The following PXDNL variants were observed in gnomAD, a reference collection of about 807,000 sequenced individuals.
PXDNL encodes probable oxidoreductase PXDNL.
A neutral mutation model predicts 150.8 loss-of-function variants in PXDNL; 145 were observed. The ratio of observed to expected loss-of-function variants is 0.96; its 90% CI spans 0.84 to 1.10. The LOEUF is 1.10. Among genes scored for constraint, PXDNL ranks in the 50% least tolerant of loss-of-function variants. PXDNL has a pLI of 0.00. For missense variants in PXDNL, 2,087 were observed against 1,873.9 expected, an observed-to-expected ratio of 1.11 and a Z score of -2.10; for synonymous variants, 757 against 725.7, an observed-to-expected ratio of 1.04 and a Z score of -0.69.
At chr8:51,447,637 C>T (rs1809706118) in intron 11 of PXDNL, among the ~76,000 whole-genome samples, 1 of 152,164 alleles carries the variant, frequency 6.6e-6, no homozygotes, top group Non-Finnish European at 1.5e-5. Context: ...TCTACACAGT[C>T]AACCAGAGGC....
chr8:51,406,793 G>C (rs1325405968), intron 17 of PXDNL, among the ~76,000 whole-genome samples: 1 of 152,136 alleles, frequency 6.6e-6, no homozygotes, highest in Non-Finnish European at 1.5e-5. Flanking sequence ...CGGCTCCCCC[G>C]CACGCTGTCA....
At chr8:51,478,873 G>A (rs762311207) in intron 6 of PXDNL, among the ~76,000 whole-genome samples, 6 of 152,140 alleles carry the variant, frequency 3.9e-5, no homozygotes, top group African/African-American at 7.2e-5. Context: ...TGGACCCATC[G>A]GGACTTCATG....
intron 1 of PXDNL, among the ~76,000 whole-genome samples, chr8:51,693,147 A>G (rs1816036052): frequency 6.6e-6 from 1 of 152,240 alleles, no homozygotes; most frequent in African/African-American, 2.4e-5. Context: ...TGTTTAGTCA[A>G]TTCTAACATA....
At chr8:51,442,993 A>G (rs1003128880) in intron 12 of PXDNL, among the ~76,000 whole-genome samples, 2 of 152,202 alleles carry the variant, frequency 1.3e-5, no homozygotes, top group African/African-American at 4.8e-5. Flanking sequence ...ATGATTTAGT[A>G]AAGGTAGCTC....
intron 4 of PXDNL, among the ~76,000 whole-genome samples, chr8:51,527,605 G>T (rs1460860934): frequency 6.6e-6 from 1 of 152,166 alleles, no homozygotes; most frequent in African/African-American, 2.4e-5. Context: ...CTGTCTAAGT[G>T]GTATGACTTT....
rs554547913 is a variant in PXDNL, at chr8:51,691,734, C to T, written c.165-36974G>A. ...CTTTCTTCCCTTCTTTTCTTTCTTCCATGATGCATACTTCTAAAAGCACTA... is the reference window on the plus strand; with the variant it reads ...CTTTCTTCCCTTCTTTTCTTTCTTCTATGATGCATACTTCTAAAAGCACTA... On this transcript the variant is annotated intron_variant, in intron 1 of 22. Coordinates refer to ENST00000356297, the MANE Select transcript of PXDNL (RefSeq NM_144651.5). Among the ~76,000 whole-genome samples the T allele has an allele frequency of 9.9e-5, 15 of 152,224 alleles. No homozygotes were observed. The South Asian group carries it at 3.1e-3, about 32-fold the overall frequency.
At chr8:51,754,102 TG>T (rs2037073576) in intron 1 of PXDNL, among the ~76,000 whole-genome samples, 3 of 152,232 alleles carry the variant, frequency 2.0e-5, no homozygotes, top group African/African-American at 7.2e-5. Flanking sequence ...GTACAGTGTT[TG>T]CTATGTGTGT....
chr8:51,390,107 C>T (rs376962633), intron 17 of PXDNL, among the ~76,000 whole-genome samples: 58 of 152,120 alleles, frequency 3.8e-4, no homozygotes, highest in Middle Eastern at 3.4e-3. Context: ...TTATGAAGTA[C>T]CAATCATTGT....
At chr8:51,334,129 C>T (rs1484138203) in intron 21 of PXDNL, among the ~76,000 whole-genome samples, 3 of 93,494 alleles carry the variant, frequency 3.2e-5, no homozygotes, top group Non-Finnish European at 7.5e-5. Flanking sequence ...TCTCGCAGAC[C>T]ACAGTGGAAT....
chr8:51,382,282 CAA>C (rs1807572037), intron 17 of PXDNL, among the ~76,000 whole-genome samples: 2 of 151,636 alleles, frequency 1.3e-5, no homozygotes, highest in Non-Finnish European at 2.9e-5. Flanking sequence ...CTAGGAAAAG[CAA>C]AGGATTCTCT....
At chr8:51,783,131 C>T (rs888737971) in intron 1 of PXDNL, among the ~76,000 whole-genome samples, 3 of 152,140 alleles carry the variant, frequency 2.0e-5, no homozygotes, top group Non-Finnish European at 2.9e-5. Flanking sequence ...AAATCAGTGC[C>T]GTTTTACTTG....
In PXDNL at chr8:51,368,418, G is replaced by T. The variant is rs116568148; in HGVS notation, c.3901+3455C>A. ...TCAGAGTCCATTTCAATGTGTTTAGGAATTTAGGAGAAGAGTTTCTCCAGG... is the reference window on the plus strand; with the variant it reads ...TCAGAGTCCATTTCAATGTGTTTAGTAATTTAGGAGAAGAGTTTCTCCAGG... On this transcript the variant is annotated intron_variant, in intron 19 of 22. Transcript: ENST00000356297. Among the ~76,000 whole-genome samples the T allele has an allele frequency of 5.9e-3, 903 of 152,112 alleles. 9 individuals are homozygous for T. Among genetic ancestry groups the T allele is most frequent in the African/African-American group, 0.02 (831 of 41,490 alleles).
chr8:51,754,832 T>G (rs906619712), intron 1 of PXDNL, among the ~76,000 whole-genome samples: 2 of 152,108 alleles, frequency 1.3e-5, no homozygotes, highest in Admixed American at 1.3e-4. Flanking sequence ...ACAGGTCATT[T>G]TTAACAAGTA....
intron 4 of PXDNL, among the ~76,000 whole-genome samples, chr8:51,537,313 T>A (rs986124015): frequency 2.0e-5 from 3 of 152,198 alleles, no homozygotes; most frequent in Admixed American, 6.5e-5. Flanking sequence ...CTGAGCACCA[T>A]GATAAGACAA....
At chr8:51,740,518 G>A (rs11992330) in intron 1 of PXDNL, among the ~76,000 whole-genome samples, 2,336 of 152,010 alleles carry the variant, frequency 0.015, 32 homozygotes, top group Middle Eastern at 0.037. Context: ...TTTAATAATC[G>A]CCACTCTGAC....
chr8:51,488,497 G>A (rs1023316136), intron 5 of PXDNL, among the ~76,000 whole-genome samples: 6 of 152,182 alleles, frequency 3.9e-5, no homozygotes, highest in East Asian at 1.9e-4. Flanking sequence ...ACTGATAGAT[G>A]AGACAGACAT....
chr8:51,465,213 G>C (rs1454169173), intron 8 of PXDNL, among the ~76,000 whole-genome samples: 2 of 152,082 alleles, frequency 1.3e-5, no homozygotes. Context: ...CCATGACCAA[G>C]TAGGCTTTAT....
At chr8:51,666,243 C>T (rs79229957) in intron 1 of PXDNL, among the ~76,000 whole-genome samples, 5,981 of 152,084 alleles carry the variant, frequency 0.039, 411 homozygotes, top group African/African-American at 0.14. Context: ...CTTGATCTTC[C>T]CCTTTCTCTT....
At chr8:51,636,688 T>C (rs946915324) in intron 2 of PXDNL, among the ~76,000 whole-genome samples, 3 of 152,138 alleles carry the variant, frequency 2.0e-5, no homozygotes, top group Admixed American at 6.5e-5. Flanking sequence ...AAGGAAGACC[T>C]AAATAAATGA....
Sources: gnomAD v4.1 joint callset for allele counts (sites outside exome capture counted in the v4.1 genomes callset) on GRCh38, gnomAD v4.1.1 for gene constraint, MANE v1.5 for transcripts, NCBI Gene and HGNC (gene_info 2026-07-23, HGNC 2026-07-21) for gene names.